Variants in AGBL4 observed in about 807,000 individuals in gnomAD.
The protein encoded by AGBL4 is AGBL carboxypeptidase 4, also known as cytosolic carboxypeptidase 6.
AGBL4 carries 58 observed loss-of-function variants against 66.4 expected under a neutral mutation model. The ratio of observed to expected loss-of-function variants is 0.87; its 90% CI spans 0.71 to 1.09. The LOEUF (loss-of-function observed/expected upper bound fraction) is 1.09, where lower values mean the gene tolerates loss of function less well. AGBL4 is among the 50% of genes least tolerant of loss of function. The pLI is 0.00. For synonymous variants in AGBL4, 234 were observed against 222.9 expected (o/e 1.05, Z -0.44); for missense variants, 579 against 631.0 (o/e 0.92, Z 0.88).
chr1:49,259,600 G>C (rs1419136198), intron 3 of AGBL4, among the ~76,000 whole-genome samples: 1 of 133,148 alleles, frequency 7.5e-6, no homozygotes, highest in African/African-American at 2.8e-5. Context: ...TCAACAAGAA[G>C]AGCTAACTAT....
intron 4 of AGBL4, among the ~76,000 whole-genome samples, chr1:49,221,315 A>G (rs1361497022): frequency 6.6e-6 from 1 of 152,144 alleles, no homozygotes. Flanking sequence ...AACATCCTCT[A>G]GAGGAGACAG....
chr1:48,553,697 CA>C (rs747570894), intron 11 of AGBL4, among the ~76,000 whole-genome samples: 53 of 149,072 alleles, frequency 3.6e-4, no homozygotes, highest in Admixed American at 1.7e-3. Flanking sequence ...CTACAATTTT[CA>C]AAAAAAAAAT....
intron 1 of AGBL4, among the ~76,000 whole-genome samples, chr1:49,883,188 C>G (rs1422864511): frequency 6.6e-6 from 1 of 152,120 alleles, no homozygotes; most frequent in East Asian, 1.9e-4. Context: ...TACAACACTA[C>G]CATATCAATC....
intron 2 of AGBL4, among the ~76,000 whole-genome samples, chr1:49,735,562 T>C (rs1649818134): frequency 6.6e-6 from 1 of 152,108 alleles, no homozygotes; most frequent in African/African-American, 2.4e-5. Context: ...CATGTTGTTT[T>C]AAAGCACTAT....
chr1:49,035,222 T>C (rs928433055), intron 5 of AGBL4, among the ~76,000 whole-genome samples: 5 of 152,120 alleles, frequency 3.3e-5, no homozygotes, highest in African/African-American at 1.2e-4. Context: ...TAGAGGAAAC[T>C]GGGTGAAGGT....
chr1:49,694,055 G>A (rs1173252618), intron 3 of AGBL4, among the ~76,000 whole-genome samples: 3 of 151,970 alleles, frequency 2.0e-5, no homozygotes, highest in African/African-American at 4.8e-5. Context: ...GAAATACAAC[G>A]CAAAAGCTAG....
intron 3 of AGBL4, among the ~76,000 whole-genome samples, chr1:49,652,069 T>C (rs1032216467): frequency 1.3e-5 from 2 of 152,076 alleles, no homozygotes; most frequent in East Asian, 1.9e-4. Flanking sequence ...GCTTCAGCAA[T>C]AGGCTAGACC....
rs951071073 is a variant in AGBL4, at chr1:49,631,067, G to A, written c.282+66246C>T. On this transcript the variant is annotated intron_variant, in intron 3 of 13. Transcript: ENST00000371839. ...ACCAAGGTAGTGCCAGTTCTTACAA[G>A]AGATGGGTGGACTAACTCCCAAAGC... 4.6e-5 allele frequency among the ~76,000 whole-genome samples: 7 copies of A among 152,084 alleles called. No individual in the cohort carries two copies. In the East Asian group the frequency reaches 1.2e-3, roughly 25 times the overall value.
intron 6 of AGBL4, among the ~76,000 whole-genome samples, chr1:48,729,001 G>C (rs1027614133): frequency 6.6e-6 from 1 of 152,170 alleles, no homozygotes; most frequent in Non-Finnish European, 1.5e-5. Context: ...CTCCAGACAA[G>C]GTCTGGCTGG....
intron 4 of AGBL4, among the ~76,000 whole-genome samples, chr1:49,047,184 G>T (rs1644100762): frequency 6.6e-6 from 1 of 152,086 alleles, no homozygotes; most frequent in South Asian, 2.1e-4. Flanking sequence ...ATTGATGCCT[G>T]TACATACATT....
intron 11 of AGBL4, chr1:48,585,539 T>C (rs992181756): frequency 6.6e-6 from 1 of 152,326 alleles, no homozygotes; most frequent in African/African-American, 2.4e-5. Context: ...GCCAGGACTT[T>C]GGAACCCACA....
chr1:48,617,126 A>G (rs188239123), intron 9 of AGBL4, among the ~76,000 whole-genome samples: 35 of 152,354 alleles, frequency 2.3e-4, no homozygotes, highest in Non-Finnish European at 4.4e-4. Context: ...GAAAGCAACC[A>G]TTGCACAGCA....
intron 5 of AGBL4, among the ~76,000 whole-genome samples, chr1:49,004,229 A>G (rs1014831277): frequency 6.6e-6 from 1 of 152,226 alleles, no homozygotes; most frequent in African/African-American, 2.4e-5. Context: ...CACTCTCAAT[A>G]TGAGCTGAAC....
intron 5 of AGBL4, among the ~76,000 whole-genome samples, chr1:49,037,374 G>A (rs962163914): frequency 2.6e-5 from 4 of 152,038 alleles, no homozygotes; most frequent in Non-Finnish European, 4.4e-5. Context: ...CCACCAGCAG[G>A]GGAGGCTTAG....
intron 3 of AGBL4, among the ~76,000 whole-genome samples, chr1:49,400,777 A>AT (rs1230459711): frequency 2.0e-5 from 3 of 152,090 alleles, no homozygotes; most frequent in Non-Finnish European, 4.4e-5. Flanking sequence ...GAGTCTTTAG[A>AT]TTTTTTCCCA....
At chr1:48,896,812 T>C (rs540633782) in intron 5 of AGBL4, among the ~76,000 whole-genome samples, 1 of 152,298 alleles carries the variant, frequency 6.6e-6, no homozygotes, top group African/African-American at 2.4e-5. Flanking sequence ...AAGATTTATT[T>C]TGAAGCAAAC....
In AGBL4 at chr1:49,671,957, C is replaced by G. The variant is rs140422582; in HGVS notation, c.282+25356G>C. On this transcript the variant is annotated intron_variant, in intron 3 of 13. Transcript: ENST00000371839. ...CCTCAAAGAGCTAACAGCAGAACTA[C>G]CATTTGACCCAGAAATCCCATTACT... 8.0e-3 allele frequency among the ~76,000 whole-genome samples: 1,223 copies of G among 152,158 alleles called. 15 individuals are homozygous for G. Among genetic ancestry groups the G allele is most frequent in the African/African-American group, 0.028 (1,176 of 41,514 alleles).
chr1:49,185,658 C>T (rs1385726003), intron 4 of AGBL4, among the ~76,000 whole-genome samples: 1 of 152,156 alleles, frequency 6.6e-6, no homozygotes, highest in Non-Finnish European at 1.5e-5. Context: ...ACATTAAAAA[C>T]ACGAAGGAAG....
At chr1:49,719,243 T>A (rs1648403718) in intron 2 of AGBL4, among the ~76,000 whole-genome samples, 1 of 152,164 alleles carries the variant, frequency 6.6e-6, no homozygotes, top group Admixed American at 6.6e-5. Context: ...GACTTTCCCA[T>A]CCTACTCAGT....
Sources: allele counts gnomAD v4.1 joint callset (sites outside exome capture counted in the v4.1 genomes callset), GRCh38; gene constraint gnomAD v4.1.1; transcripts MANE v1.5; gene names NCBI Gene and HGNC (gene_info 2026-07-23, HGNC 2026-07-21).